Variants in MYO15B observed in about 807,000 individuals in gnomAD.
MYO15B encodes the protein myosin XVB, also known as myosin XVB pseudogene.
In MYO15B, 207 loss-of-function variants were observed where a neutral mutation model predicts 119.3. That is an observed-to-expected ratio of 1.73 (90% CI 1.55 to 1.95). The LOEUF is 1.95. Ranked by LOEUF, MYO15B falls within the 30% of genes most tolerant of loss-of-function variation. The pLI is 0.00. For synonymous variants in MYO15B, 966 were observed against 498.9 expected (o/e 1.94, Z -12.48); for missense variants, 2,264 against 1,203.1 (o/e 1.88, Z -13.04).
rs548448981 is a variant in MYO15B at position 75,597,820 on chromosome 17, G to A, written c.3525+921G>A. ...AGTTAGAGCTACTTGGGAGGCTGAG[G>A]TGGATGGATTGCTTGAGCCCAGGAC... is the stretch of plus-strand genomic sequence containing the variant. On this transcript the variant is annotated intron_variant, in intron 14 of 63. Transcript: ENST00000645453. Among the ~76,000 whole-genome samples, 77 of 152,306 alleles carry A rather than the reference G, an allele frequency of 5.1e-4. 1 individual carries two copies. In the South Asian group the frequency reaches 0.013, roughly 26 times the overall value.
In MYO15B at chr17:75,615,548, G is replaced by A. The variant is rs1327944908; in HGVS notation, c.5786G>A (p.Gly1929Glu). ...CCACCGCTTCCCAGCCTGGATGCAGGGCAGCTGGCCGTCCAGCAGCAGAAC... is the reference window on the plus strand; with the variant it reads ...CCACCGCTTCCCAGCCTGGATGCAGAGCAGCTGGCCGTCCAGCAGCAGAAC... The change falls in exon 35 of 64, where the codon GGG (glycine) becomes GAG (glutamate). Residue 1929 changes from glycine (G) to glutamate (E), a missense_variant. Physicochemically the swap from Gly to Glu is moderately conservative, Grantham distance 98 (BLOSUM62 -2). Coordinates refer to ENST00000645453, the Ensembl canonical transcript of MYO15B. The A allele has an allele frequency of 1.0e-5, 7 of 701,302 alleles. No homozygotes were observed. The Admixed American group carries it at 1.4e-4, about 14-fold the overall frequency. The allele number at this position is 701,302 out of a possible 1,614,324, so 43.4% of individuals were successfully genotyped here.
chr17:75,625,462 G>A (rs1274528569), intron 60 of MYO15B, 65 bp from the exon 61 acceptor site: 6 of 695,574 alleles, frequency 8.6e-6, no homozygotes, highest in African/African-American at 7.0e-5. Flanking sequence ...TATTTGGCAC[G>A]TGCTGTATGC....
chr17:75,590,180 C>T (rs1417972252), exon 1 of MYO15B: 1 of 398,996 alleles, frequency 2.5e-6, no homozygotes, highest in Non-Finnish European at 4.4e-6. Flanking sequence ...CCACCCTTCC[C>T]CGGTGCCAAG....
chr17:75,624,135 G>GA, intron 55 of MYO15B, 40 bp from the exon 56 acceptor site: 2 of 702,762 alleles, frequency 2.8e-6, no homozygotes. Context: ...GGCTTGGGGA[G>GA]ACATGGCCAT....
At chr17:75,621,927 T>G in intron 52 of MYO15B, 77 bp from the exon 53 acceptor site, 1 of 685,674 alleles carries the variant, frequency 1.5e-6, no homozygotes, top group Non-Finnish European at 2.7e-6. Flanking sequence ...GTGAAGGCCC[T>G]GCACAGCAAC....
exon 60 of MYO15B, chr17:75,625,188 G>T (rs1344896868): frequency 2.8e-6 from 2 of 702,502 alleles, no homozygotes. Flanking sequence ...AGCTCGCCAG[G>T]CTGGCCGCCC....
intron 55 of MYO15B, 39 bp from the exon 56 acceptor site, chr17:75,624,136 A>G (rs1273654428): frequency 2.8e-6 from 2 of 702,646 alleles, no homozygotes; most frequent in Non-Finnish European, 5.2e-6. Context: ...GCTTGGGGAG[A>G]CATGGCCATC....
chr17:75,617,171 C>T (rs1332888927), exon 41 of MYO15B: 3 of 692,620 alleles, frequency 4.3e-6, no homozygotes, highest in Non-Finnish European at 7.9e-6. Flanking sequence ...CCTCTAGCTC[C>T]ATCAAGGAAA....
Position 75,592,551 on chromosome 17 carries a change from GC to G in MYO15B, c.2829+13del. 1.6e-6 allele frequency: 1 copy of G among 610,836 alleles called. No individual in the cohort carries two copies. The allele number at this position is 610,836 out of a possible 1,614,324, so 37.8% of individuals were successfully genotyped here. On this transcript the variant is annotated intron_variant, in intron 8 of 63. Transcript: ENST00000645453. ...CTACTACCTCAACCAGGTCGGGGGA[GC>G]CCTTGTGGTGCGGCGGGGAGGCCTG...
chr17:75,592,256 C>T, exon 7 of MYO15B: 1 of 702,874 alleles, frequency 1.4e-6, no homozygotes, highest in Non-Finnish European at 2.6e-6. Context: ...TCGTGGGAGC[C>T]TCTGTGTCTC....
In MYO15B at chr17:75,623,350, C is replaced by T. The variant is rs112477579; in HGVS notation, c.8083-431C>T. Among the ~76,000 whole-genome samples, 654 of 152,110 alleles carry T rather than the reference C, an allele frequency of 4.3e-3. 7 individuals carry two copies. Among genetic ancestry groups the T allele is most frequent in the African/African-American group, 0.015 (625 of 41,464 alleles). On this transcript the variant is annotated intron_variant, in intron 53 of 63. Coordinates refer to ENST00000645453, the Ensembl canonical transcript of MYO15B. ...AAAAATAAAAAATAAATGAAAAGGC[C>T]GGGCACGGAGGCCCACATCTGTAAT...
At chr17:75,616,287 T>C (rs2058366685) in intron 37 of MYO15B, 25 bp from the exon 38 acceptor site, 5 of 598,636 alleles carry the variant, frequency 8.4e-6, no homozygotes, top group Non-Finnish European at 1.2e-5. Flanking sequence ...ATGGGTAACT[T>C]TGAAGGCCAT....
chr17:75,605,929 C>T (rs1244464671), exon 21 of MYO15B: 2 of 702,698 alleles, frequency 2.8e-6, no homozygotes, highest in South Asian at 1.5e-5. Flanking sequence ...GCTCCCAGGC[C>T]CTGGTCGACC....
Position 75,625,824 on chromosome 17 carries a change from T to C in MYO15B, c.8939-20T>C, listed in dbSNP as rs904977019. The C allele has an allele frequency of 2.8e-6, 2 of 702,382 alleles. No individual in the cohort carries two copies. The highest frequency in any genetic ancestry group is 5.2e-6 in the Non-Finnish European group (2 of 384,982). The allele number at this position is 702,382 out of a possible 1,614,324, so 43.5% of individuals were successfully genotyped here. ...GGCCCCAGCAGTCAGATTTCCTGCC[T>C]GCACCCTCTCCACCCGCAGAGGCCA... is the stretch of plus-strand genomic sequence containing the variant. On this transcript the variant is annotated intron_variant, in intron 61 of 63. Transcript: ENST00000645453.
At chr17:75,613,904 C>T (rs2058192551) in intron 29 of MYO15B, 127 bp downstream of exon 29, 2 of 605,426 alleles carry the variant, frequency 3.3e-6, no homozygotes, top group African/African-American at 1.9e-5. Flanking sequence ...GGCCAGACTG[C>T]AGATGGCGAT....
In MYO15B at chr17:75,591,639, C is replaced by A. The variant is rs578015214; in HGVS notation, c.2474C>A (p.Thr825Lys). 32 of 702,776 alleles carry A rather than the reference C, an allele frequency of 4.6e-5. No individual in the cohort carries two copies. The South Asian group carries it at 4.6e-4, about 10-fold the overall frequency. 43.5% of individuals were successfully genotyped at this position (702,776 alleles called of 1,614,324 possible). Residue 825 changes from threonine (T) to lysine (K), a missense_variant, in exon 5 of 64, where the codon ACG becomes AAG. Thr to Lys is a moderately conservative substitution (Grantham distance 78). Coordinates refer to ENST00000645453, the Ensembl canonical transcript of MYO15B. ...AGTGGGCACAGTGGCTCAGGGAAGA[C>A]GGAAGCCGCCAAAAAGATCATGCAG...
chr17:75,605,547 C>A (rs1247795493), exon 20 of MYO15B: 3 of 702,642 alleles, frequency 4.3e-6, no homozygotes, highest in South Asian at 3.0e-5. Flanking sequence ...CCTCTCTGAC[C>A]GGGAGAAGTG....
chr17:75,605,385 C>T (rs1429714675), intron 19 of MYO15B, 119 bp from the exon 20 acceptor site: 4 of 605,146 alleles, frequency 6.6e-6, no homozygotes, highest in East Asian at 2.8e-5. Flanking sequence ...TGCAGTGAGC[C>T]GAGATCGCGC....
At chr17:75,614,412 CA>C in intron 30 of MYO15B, 52 bp downstream of exon 30, 1 of 689,742 alleles carries the variant, frequency 1.4e-6, no homozygotes. Context: ...CGGGGAACCC[CA>C]CAGCCACCCT....
Sources: allele counts gnomAD v4.1 joint callset (sites outside exome capture counted in the v4.1 genomes callset), GRCh38; gene constraint gnomAD v4.1.1; transcripts MANE v1.5; gene names NCBI Gene and HGNC (gene_info 2026-07-23, HGNC 2026-07-21).